The following DLGAP1 variants were observed in gnomAD, a reference collection of about 807,000 sequenced individuals.
DLGAP1 encodes disks large-associated protein 1.
DLGAP1 carries 11 observed loss-of-function variants against 90.8 expected under a neutral mutation model. The ratio of observed to expected loss-of-function variants is 0.12; its 90% CI spans 0.08 to 0.20. The LOEUF is 0.20. Among genes scored for constraint, DLGAP1 ranks in the 10% least tolerant of loss-of-function variants. DLGAP1 has a pLI of 1.00. For missense variants in DLGAP1, 1,050 were observed against 1,333.8 expected, an observed-to-expected ratio of 0.79 and a Z score of 3.31; for synonymous variants, 558 against 540.7, an observed-to-expected ratio of 1.03 and a Z score of -0.44.
chr18:4,052,149 T>C (rs921951414), intron 2 of DLGAP1, among the ~76,000 whole-genome samples: 1 of 152,022 alleles, frequency 6.6e-6, no homozygotes, highest in African/African-American at 2.4e-5. Flanking sequence ...CATTTGGGAG[T>C]CTGGAGGATG....
intron 3 of DLGAP1, among the ~76,000 whole-genome samples, chr18:3,990,540 G>C (rs553805593): frequency 6.7e-6 from 1 of 149,892 alleles, no homozygotes; most frequent in Non-Finnish European, 1.5e-5. Context: ...GCTAAATGAC[G>C]AGTTAATGGG....
At chr18:3,518,233 G>A (rs1426426851) in intron 10 of DLGAP1, among the ~76,000 whole-genome samples, 2 of 152,176 alleles carry the variant, frequency 1.3e-5, no homozygotes, top group African/African-American at 2.4e-5. Flanking sequence ...AGGAGAGGGA[G>A]AGAGATGGGA....
At chr18:4,404,901 T>C (rs997335945) in intron 1 of DLGAP1, among the ~76,000 whole-genome samples, 1 of 152,204 alleles carries the variant, frequency 6.6e-6, no homozygotes, top group Non-Finnish European at 1.5e-5. Context: ...CTTCTCCCCA[T>C]GCCCTCCTAT....
chr18:3,586,702 C>T (rs1343254467), intron 7 of DLGAP1, among the ~76,000 whole-genome samples: 2 of 152,142 alleles, frequency 1.3e-5, no homozygotes, highest in African/African-American at 2.4e-5. Flanking sequence ...CTTCATTTTC[C>T]AATTCTTCTG....
At chr18:3,681,923 G>A (rs1353898301) in intron 7 of DLGAP1, among the ~76,000 whole-genome samples, 2 of 151,946 alleles carry the variant, frequency 1.3e-5, no homozygotes, top group African/African-American at 4.8e-5. Context: ...GTTGAGACCA[G>A]CCTGGCCAAC....
At chr18:4,214,714 G>A (rs2077916783) in intron 1 of DLGAP1, among the ~76,000 whole-genome samples, 1 of 152,126 alleles carries the variant, frequency 6.6e-6, no homozygotes. Flanking sequence ...CCACTATATA[G>A]ATACATTAGT....
chr18:3,698,826 G>A (rs1049518902), intron 7 of DLGAP1, among the ~76,000 whole-genome samples: 1 of 152,052 alleles, frequency 6.6e-6, no homozygotes, highest in Non-Finnish European at 1.5e-5. Flanking sequence ...ATTTCTTGGA[G>A]GCTTTGTTCA....
rs1328083717 is a variant in DLGAP1 at position 3,893,483 on chromosome 18, G to A, written c.-72-13343C>T. Among the ~76,000 whole-genome samples the A allele has an allele frequency of 2.0e-5, 3 of 151,962 alleles. No individual in the cohort carries two copies. The East Asian group carries it at 5.8e-4, about 29-fold the overall frequency. ...AATTCCAGCTACTCAGGAGGCTGAG[G>A]TAGGAGAATCGCTTGAACCTGGGAG... On this transcript the variant is annotated intron_variant, in intron 3 of 12. Coordinates refer to ENST00000315677, the MANE Select transcript of DLGAP1 (RefSeq NM_004746.4).
In DLGAP1 at chr18:3,584,267, C is replaced by T. The variant is rs541595214; in HGVS notation, c.1592-2019G>A. Among the ~76,000 whole-genome samples the T allele has an allele frequency of 3.2e-4, 48 of 151,808 alleles. 1 individual carries two copies. Among genetic ancestry groups the T allele is most frequent in the Admixed American group, 1.9e-3 (29 of 15,244 alleles). ...TCCATCATTTCCTCCCCACCCCACC[C>T]CAGCCCACCCACTCTCACAGGTGGT... On this transcript the variant is annotated intron_variant, in intron 7 of 12. Transcript: ENST00000315677.
chr18:4,003,018 A>G (rs1267769780), intron 3 of DLGAP1, among the ~76,000 whole-genome samples: 1 of 152,208 alleles, frequency 6.6e-6, no homozygotes, highest in Admixed American at 6.5e-5. Flanking sequence ...CTGTGTGATT[A>G]CTAGGCTACA....
At chr18:4,233,303 T>G (rs1418290716) in intron 1 of DLGAP1, among the ~76,000 whole-genome samples, 2 of 152,208 alleles carry the variant, frequency 1.3e-5, no homozygotes, top group Non-Finnish European at 2.9e-5. Context: ...TCTTCTAATC[T>G]GTGGCAATTC....
At chr18:3,916,198 C>T (rs1226684806) in intron 3 of DLGAP1, among the ~76,000 whole-genome samples, 1 of 152,210 alleles carries the variant, frequency 6.6e-6, no homozygotes, top group African/African-American at 2.4e-5. Context: ...GACAGGGACG[C>T]TGCTTCAGAG....
At chr18:3,765,393 G>A (rs1044952516) in intron 5 of DLGAP1, among the ~76,000 whole-genome samples, 7 of 151,348 alleles carry the variant, frequency 4.6e-5, no homozygotes, top group Admixed American at 4.6e-4. Flanking sequence ...GCCTCCCAAA[G>A]TGCTGGGATT....
Position 4,240,310 on chromosome 18 carries a change from A to G in DLGAP1, c.-266-89023T>C, listed in dbSNP as rs1394457707. ...CTATATTTATGCATTAAAATCTAGT[A>G]GGTATAATTTATCAGTAAGAATGAC... On this transcript the variant is annotated intron_variant, in intron 1 of 12. Transcript: ENST00000315677. Among the ~76,000 whole-genome samples the G allele has an allele frequency of 3.9e-5, 6 of 152,294 alleles. No individual in the cohort carries two copies. In the South Asian group the frequency reaches 1.2e-3, roughly 32 times the overall value.
chr18:4,416,891 A>T (rs2082912886), intron 1 of DLGAP1, among the ~76,000 whole-genome samples: 1 of 152,144 alleles, frequency 6.6e-6, no homozygotes, highest in Admixed American at 6.5e-5. Flanking sequence ...TCTCTTTCTT[A>T]AGTCCTACAA....
chr18:4,260,869 T>G (rs1296394161), intron 1 of DLGAP1, among the ~76,000 whole-genome samples: 1 of 152,122 alleles, frequency 6.6e-6, no homozygotes, highest in Non-Finnish European at 1.5e-5. Context: ...TGGAAAAACA[T>G]CCAGAAACGA....
chr18:4,150,485 G>T (rs1367618173), intron 2 of DLGAP1, among the ~76,000 whole-genome samples: 4 of 152,120 alleles, frequency 2.6e-5, no homozygotes, highest in Non-Finnish European at 5.9e-5. Flanking sequence ...GTGCCTTCCA[G>T]GTTCAAGCGA....
At chr18:4,259,906 T>G (rs540648756) in intron 1 of DLGAP1, among the ~76,000 whole-genome samples, 13 of 152,298 alleles carry the variant, frequency 8.5e-5, no homozygotes, top group African/African-American at 3.1e-4. Context: ...TATCTTTTAT[T>G]ATTCTATTTT....
intron 1 of DLGAP1, among the ~76,000 whole-genome samples, chr18:4,191,633 C>T (rs912000394): frequency 2.0e-5 from 3 of 152,230 alleles, no homozygotes; most frequent in Admixed American, 6.5e-5. Context: ...CAAAATCCTC[C>T]GAAGGCTCTA....
Sources: allele counts gnomAD v4.1 joint callset (sites outside exome capture counted in the v4.1 genomes callset), GRCh38; gene constraint gnomAD v4.1.1; transcripts MANE v1.5; gene names NCBI Gene and HGNC (gene_info 2026-07-23, HGNC 2026-07-21).